FXN: variants seen among roughly 807,000 people sequenced by gnomAD.
FXN encodes frataxin, mitochondrial.
A neutral mutation model predicts 22.4 loss-of-function variants in FXN; 14 were observed. The observed-to-expected ratio is 0.62, with a 90% CI of 0.41 to 0.98. The LOEUF (loss-of-function observed/expected upper bound fraction) is 0.98, where lower values mean the gene tolerates loss of function less well. FXN is among the 50% of genes least tolerant of loss of function. The probability of loss-of-function intolerance (pLI) is 0.00; values close to 1 mark genes in which losing one functional copy is unlikely to be tolerated. For synonymous variants in FXN, 120 were observed against 114.1 expected (o/e 1.05, Z -0.33); for missense variants, 267 against 268.4 (o/e 0.99, Z 0.04).
chr9:69,077,263 T>C lies in FXN; in HGVS notation c.*4501T>C, dbSNP rs1320820349. 15 of 985,326 alleles carry C rather than the reference T, an allele frequency of 1.5e-5. No homozygotes were observed. In the Admixed American group the frequency reaches 6.1e-4, roughly 40 times the overall value. The allele number at this position is 985,326 out of a possible 1,614,324, so 61.0% of individuals were successfully genotyped here. A position where few individuals can be genotyped will look rare whatever the true frequency, so the allele number is the denominator to read the frequency against. ...TCTTAATTAGCCAGGACACTTGGAG[T>C]GCATCCCGAAGTACCTGATCAGTGG... On this transcript the variant is annotated 3_prime_UTR_variant, in exon 5 of 5. Transcript: ENST00000484259.
At chr9:69,041,720 A>T (rs1054262288) in intron 1 of FXN, among the ~76,000 whole-genome samples, 1 of 152,172 alleles carries the variant, frequency 6.6e-6, no homozygotes, top group African/African-American at 2.4e-5. Context: ...AGTCCTTACC[A>T]GGGGGTAGGC....
intron 4 of FXN, among the ~76,000 whole-genome samples, chr9:69,065,807 G>A (rs746688324): frequency 5.9e-5 from 9 of 152,108 alleles, no homozygotes; most frequent in East Asian, 1.9e-4. Flanking sequence ...ACCTTGTAGC[G>A]TTTGAACAAG....
At chr9:69,064,877 C>A (rs1203804525) in intron 3 of FXN, 61 bp from the exon 4 acceptor site, 1 of 989,552 alleles carries the variant, frequency 1.0e-6, no homozygotes, top group African/African-American at 1.6e-5. Flanking sequence ...GCAATGATGA[C>A]AAAGTGCTAA....
At chr9:69,038,841 A>G (rs1388861689) in intron 1 of FXN, among the ~76,000 whole-genome samples, 1 of 152,214 alleles carries the variant, frequency 6.6e-6, no homozygotes, top group African/African-American at 2.4e-5. Context: ...TCGTACTCAT[A>G]TACTTCCAGC....
chr9:69,052,537 A>ATTTTTT (rs56938732), intron 2 of FXN, among the ~76,000 whole-genome samples: 2 of 63,252 alleles, frequency 3.2e-5, no homozygotes, highest in Non-Finnish European at 6.1e-5. Context: ...TGCTGTTTAA[A>ATTTTTT]TTTTTTTTTT....
intron 1 of FXN, among the ~76,000 whole-genome samples, chr9:69,037,677 G>A (rs923706927): frequency 2.0e-5 from 3 of 152,036 alleles, no homozygotes; most frequent in Non-Finnish European, 4.4e-5. Flanking sequence ...GTTGTGTTTT[G>A]TTTTGTTTTT....
At position 69,076,075 on chromosome 9, in the gene FXN, CT is replaced by C. The variant is rs1476815416; in HGVS notation, c.*3314del. On this transcript the variant is annotated 3_prime_UTR_variant, in exon 5 of 5. Coordinates refer to ENST00000484259, the MANE Select transcript of FXN (RefSeq NM_000144.5). ...TCAGCCACATAGAAAATAAAATGTTCTGGCATGACTTATTTAGCTCTCTGGA... is the reference window on the plus strand; with the variant it reads ...TCAGCCACATAGAAAATAAAATGTTCGGCATGACTTATTTAGCTCTCTGGA... 1 of 984,178 alleles carries C rather than the reference CT, an allele frequency of 1.0e-6. No individual in the cohort carries two copies. Among genetic ancestry groups the C allele is most frequent in the Non-Finnish European group, 1.2e-6 (1 of 828,948 alleles). 61.0% of individuals were successfully genotyped at this position (984,178 alleles called of 1,614,324 possible). A position where few individuals can be genotyped will look rare whatever the true frequency, so the allele number is the denominator to read the frequency against.
intron 2 of FXN, 150 bp from the exon 3 acceptor site, chr9:69,052,990 C>CA (rs370853196): frequency 0.091 from 53,152 of 584,438 alleles, 3 homozygotes; most frequent in Non-Finnish European, 0.1. Context: ...GACTCTGTCT[C>CA]AAAAAAAAAA....
intron 3 of FXN, among the ~76,000 whole-genome samples, chr9:69,060,515 G>A (rs544335448): frequency 6.6e-6 from 1 of 152,300 alleles, no homozygotes; most frequent in Non-Finnish European, 1.5e-5. Context: ...GATTGTCTAA[G>A]GAATAATGAT....
At chr9:69,037,071 C>T (rs1425159676) in intron 1 of FXN, among the ~76,000 whole-genome samples, 1 of 152,048 alleles carries the variant, frequency 6.6e-6, no homozygotes, top group Non-Finnish European at 1.5e-5. Context: ...ATTTGGCCCA[C>T]ATTGTGTTTG....
At chr9:69,040,844 AT>A (rs1831644766) in intron 1 of FXN, among the ~76,000 whole-genome samples, 1 of 152,066 alleles carries the variant, frequency 6.6e-6, no homozygotes, top group African/African-American at 2.4e-5. Context: ...AGCCCATATG[AT>A]TGGGATTAGT....
chr9:69,077,054 C>A lies in FXN; in HGVS notation c.*4292C>A, dbSNP rs1427035964. The A allele has an allele frequency of 1.3e-5, 6 of 462,460 alleles. No homozygotes were observed. The Admixed American group carries it at 3.8e-4, about 30-fold the overall frequency. The allele number at this position is 462,460 out of a possible 1,614,324, so 28.6% of individuals were successfully genotyped here. On this transcript the variant is annotated 3_prime_UTR_variant, in exon 5 of 5. Coordinates refer to ENST00000484259, the MANE Select transcript of FXN (RefSeq NM_000144.5). ...TCAGCCTCCCGAGTAGCTGGGATTA[C>A]AGGTGCCTGCCACCACACCCGGCTA...
At chr9:69,042,701 C>A (rs1831679511) in intron 1 of FXN, among the ~76,000 whole-genome samples, 1 of 152,156 alleles carries the variant, frequency 6.6e-6, no homozygotes, top group South Asian at 2.1e-4. Context: ...AACACACACA[C>A]ACACAAACAA....
At chr9:69,044,972 G>A (rs1284175025) in intron 1 of FXN, among the ~76,000 whole-genome samples, 1 of 152,170 alleles carries the variant, frequency 6.6e-6, no homozygotes, top group East Asian at 1.9e-4. Flanking sequence ...GCCTCTCTTA[G>A]TGACCTTTTA....
At chr9:69,053,679 A>G (rs575378154) in intron 3 of FXN, among the ~76,000 whole-genome samples, 6 of 152,300 alleles carry the variant, frequency 3.9e-5, no homozygotes, top group African/African-American at 1.4e-4. Context: ...ATGAAGGCAA[A>G]TCAGAGAGGG....
chr9:69,064,620 G>A (rs1456615224), intron 3 of FXN, among the ~76,000 whole-genome samples: 2 of 152,146 alleles, frequency 1.3e-5, no homozygotes, highest in African/African-American at 4.8e-5. Context: ...AGCAGTCCCA[G>A]ATGCCAGCAC....
chr9:69,073,476 A>C lies in FXN; in HGVS notation c.*714A>C. On this transcript the variant is annotated 3_prime_UTR_variant, in exon 5 of 5. Coordinates refer to ENST00000484259, the MANE Select transcript of FXN (RefSeq NM_000144.5). ...TACAAGAATGCAAAAAATCTTCCAA[A>C]GACAAGAAAAGAGGAAAAAAAGCCG... 4 of 985,508 alleles carry C rather than the reference A, an allele frequency of 4.1e-6. No homozygotes were observed. The highest frequency in any genetic ancestry group is 4.8e-6 in the Non-Finnish European group (4 of 829,988). The allele number at this position is 985,508 out of a possible 1,614,324, so 61.0% of individuals were successfully genotyped here. A position where few individuals can be genotyped will look rare whatever the true frequency, so the allele number is the denominator to read the frequency against.
In FXN at chr9:69,074,343, G is replaced by C; in HGVS notation, c.*1581G>C. Reference sequence around the variant, plus strand: ...GACATTAAAATTCATGCAAAGTTATGCTCATGTTATATTATTTTCTTACTT... The same window carrying C: ...GACATTAAAATTCATGCAAAGTTATCCTCATGTTATATTATTTTCTTACTT... On this transcript the variant is annotated 3_prime_UTR_variant, in exon 5 of 5. Coordinates refer to ENST00000484259, the MANE Select transcript of FXN (RefSeq NM_000144.5). The C allele has an allele frequency of 2.0e-6, 2 of 985,184 alleles. No individual in the cohort carries two copies. The highest frequency in any genetic ancestry group is 2.4e-6 in the Non-Finnish European group (2 of 829,896). The allele number at this position is 985,184 out of a possible 1,614,324, so 61.0% of individuals were successfully genotyped here.
chr9:69,066,120 G>C (rs1832161645), intron 4 of FXN, among the ~76,000 whole-genome samples: 1 of 152,188 alleles, frequency 6.6e-6, no homozygotes, highest in Non-Finnish European at 1.5e-5. Context: ...CTGTTGAAGT[G>C]GTTGTAAGAA....
Sources: allele counts gnomAD v4.1 joint callset (sites outside exome capture counted in the v4.1 genomes callset), GRCh38; gene constraint gnomAD v4.1.1; transcripts MANE v1.5; gene names NCBI Gene and HGNC (gene_info 2026-07-23, HGNC 2026-07-21).